The following KCNT2 variants were observed in gnomAD, a reference collection of about 807,000 sequenced individuals.
KCNT2 encodes potassium sodium-activated channel subfamily T member 2.
A neutral mutation model predicts 153.8 loss-of-function variants in KCNT2; 67 were observed. The observed-to-expected ratio is 0.44, with a 90% CI of 0.36 to 0.53. KCNT2 has a LOEUF of 0.53. KCNT2 is among the 20% of genes least tolerant of loss of function. The pLI is 0.00. For missense variants in KCNT2, 975 were observed against 1,354.8 expected, an observed-to-expected ratio of 0.72 and a Z score of 4.40; for synonymous variants, 500 against 458.8, an observed-to-expected ratio of 1.09 and a Z score of -1.15.
chr1:196,513,994 G>A (rs1328950091), intron 1 of KCNT2, among the ~76,000 whole-genome samples: 2 of 152,136 alleles, frequency 1.3e-5, no homozygotes, highest in East Asian at 1.9e-4. Flanking sequence ...GACTGAAATA[G>A]GAAGCTACCA....
chr1:196,281,003 A>G lies in KCNT2; in HGVS notation c.2782-15T>C. ...GTGATTTTCATCTATAACACACACAAATTATTTACATATTAAATGTGTCAG... is the reference window on the plus strand; with the variant it reads ...GTGATTTTCATCTATAACACACACAGATTATTTACATATTAAATGTGTCAG... On this transcript the variant is annotated splice_polypyrimidine_tract_variant and intron_variant, in intron 24 of 27. Coordinates refer to ENST00000294725, the MANE Select transcript of KCNT2 (RefSeq NM_198503.5). 6.3e-7 allele frequency: 1 copy of G among 1,583,176 alleles called. No individual in the cohort carries two copies. The highest frequency in any genetic ancestry group is 1.1e-5 in the South Asian group (1 of 89,692).
chr1:196,237,634 A>G (rs1250328400), intron 26 of KCNT2, among the ~76,000 whole-genome samples: 1 of 151,818 alleles, frequency 6.6e-6, no homozygotes, highest in East Asian at 1.9e-4. Context: ...GCTTGATCAT[A>G]TAACTAATGT....
At chr1:196,457,340 A>G (rs1245955105) in intron 8 of KCNT2, among the ~76,000 whole-genome samples, 1 of 151,762 alleles carries the variant, frequency 6.6e-6, no homozygotes, top group Non-Finnish European at 1.5e-5. Flanking sequence ...CAACAATTCT[A>G]TACAATATTA....
In KCNT2 at chr1:196,280,909, A is replaced by G. The variant is rs1659030780; in HGVS notation, c.2861T>C (p.Val954Ala). The change falls in exon 25 of 28, where the codon GTT (valine) becomes GCT (alanine). Residue 954 changes from valine (V) to alanine (A), a missense_variant. This residue lies in a region of KCNT2 where 241 missense variants were observed against 271.1 expected (regional missense o/e 0.89). Coordinates refer to ENST00000294725, the MANE Select transcript of KCNT2 (RefSeq NM_198503.5). ...CTCAGTCCTGTAGATTCCAATGGGA[A>G]CATCTCCAGTAGAAGAACACAACTT... ...YQKLCSSTGD[V>A]PIGIYRTESQ... 2 of 1,609,792 alleles carry G rather than the reference A, an allele frequency of 1.2e-6. No homozygotes were observed. Among genetic ancestry groups the G allele is most frequent in the Admixed American group, 1.7e-5 (1 of 60,018 alleles).
intron 19 of KCNT2, among the ~76,000 whole-genome samples, chr1:196,323,231 C>T (rs1663508141): frequency 6.6e-6 from 1 of 151,930 alleles, no homozygotes; most frequent in Non-Finnish European, 1.5e-5. Context: ...CTGAAGTTTA[C>T]TTGGCACCAT....
At chr1:196,343,776 T>G (rs554259140) in intron 14 of KCNT2, among the ~76,000 whole-genome samples, 1 of 152,206 alleles carries the variant, frequency 6.6e-6, no homozygotes, top group South Asian at 2.1e-4. Context: ...TTTGTTTTTA[T>G]TTTTATTTAT....
At chr1:196,572,265 T>C (rs761253503) in intron 1 of KCNT2, among the ~76,000 whole-genome samples, 1 of 152,084 alleles carries the variant, frequency 6.6e-6, no homozygotes, top group Non-Finnish European at 1.5e-5. Flanking sequence ...TCTCTCAGTA[T>C]AGGGAAATCT....
intron 1 of KCNT2, among the ~76,000 whole-genome samples, chr1:196,529,680 C>A (rs796387693): frequency 6.6e-6 from 1 of 152,044 alleles, no homozygotes; most frequent in African/African-American, 2.4e-5. Context: ...CATTGCTTGG[C>A]AGACTATTAA....
intron 1 of KCNT2, among the ~76,000 whole-genome samples, chr1:196,553,382 G>A (rs1028029713): frequency 6.0e-5 from 9 of 151,056 alleles, no homozygotes; most frequent in Admixed American, 2.0e-4. Flanking sequence ...GGAAAACCCC[G>A]ATATGTAAGG....
intron 1 of KCNT2, among the ~76,000 whole-genome samples, chr1:196,549,902 C>T (rs539001005): frequency 6.6e-6 from 1 of 151,826 alleles, no homozygotes; most frequent in African/African-American, 2.4e-5. Context: ...CTCTAAGTTT[C>T]GGATGCCTTA....
intron 13 of KCNT2, among the ~76,000 whole-genome samples, chr1:196,397,380 T>C (rs1671032402): frequency 6.6e-6 from 1 of 151,546 alleles, no homozygotes; most frequent in Non-Finnish European, 1.5e-5. Flanking sequence ...TAACAGGTTG[T>C]AGATGGAGTA....
intron 12 of KCNT2, among the ~76,000 whole-genome samples, chr1:196,407,893 A>T (rs1572344876): frequency 6.6e-6 from 1 of 151,506 alleles, no homozygotes; most frequent in African/African-American, 2.4e-5. Flanking sequence ...TTGGGAGTCA[A>T]ATACCTAAGA....
intron 25 of KCNT2, among the ~76,000 whole-genome samples, chr1:196,261,888 G>A (rs534228278): frequency 6.6e-6 from 1 of 151,818 alleles, no homozygotes; most frequent in Non-Finnish European, 1.5e-5. Flanking sequence ...AAATACATTT[G>A]CATATGTAAA....
At chr1:196,363,370 C>G (rs1190428942) in intron 14 of KCNT2, among the ~76,000 whole-genome samples, 1 of 151,962 alleles carries the variant, frequency 6.6e-6, no homozygotes, top group Non-Finnish European at 1.5e-5. Context: ...TTTTCCCTGC[C>G]CCATTCCTGG....
Position 196,538,071 on chromosome 1 carries a change from G to A in KCNT2, c.96-45730C>T, listed in dbSNP as rs180909238. 2.2e-4 allele frequency among the ~76,000 whole-genome samples: 33 copies of A among 152,162 alleles called. No homozygotes were observed. The East Asian group carries it at 5.8e-3, about 27-fold the overall frequency. ...CTGCTCCTGAAGGGCCCTAAACTCT[G>A]CTGGATCTCTCAGGGACTGGGTGTG... is the stretch of plus-strand genomic sequence containing the variant. On this transcript the variant is annotated intron_variant, in intron 1 of 27. Transcript: ENST00000294725.
chr1:196,464,225 T>C (rs1677404252), intron 8 of KCNT2, among the ~76,000 whole-genome samples: 1 of 151,808 alleles, frequency 6.6e-6, no homozygotes, highest in Admixed American at 6.6e-5. Flanking sequence ...AGTTAGATAA[T>C]TGCTAGGTGA....
chr1:196,351,573 G>A (rs1400912881), intron 14 of KCNT2, among the ~76,000 whole-genome samples: 1 of 152,028 alleles, frequency 6.6e-6, no homozygotes, highest in African/African-American at 2.4e-5. Context: ...AGACTTTGCT[G>A]AAGTTGCTTA....
chr1:196,257,531 T>C (rs1019438319), intron 26 of KCNT2: 1 of 948,972 alleles, frequency 1.1e-6, no homozygotes, highest in African/African-American at 1.8e-5. Flanking sequence ...ACTAAATATC[T>C]TTTTAAAGTA....
chr1:196,387,710 T>TTG (rs1214354249), intron 13 of KCNT2, among the ~76,000 whole-genome samples: 2 of 151,946 alleles, frequency 1.3e-5, no homozygotes, highest in African/African-American at 4.8e-5. Context: ...TGGTATATCC[T>TTG]TGTGTGTGTA....
Sources: gnomAD v4.1 joint callset for allele counts (sites outside exome capture counted in the v4.1 genomes callset) on GRCh38, gnomAD v4.1.1 for gene constraint, gnomAD v4.1.1 regional missense constraint, MANE v1.5 for transcripts, NCBI Gene and HGNC (gene_info 2026-07-23, HGNC 2026-07-21) for gene names.